The following SRCAP variants were observed in gnomAD, a reference collection of about 807,000 sequenced individuals.
SRCAP encodes chromatin remodeling protein SRCAP.
SRCAP carries 46 observed loss-of-function variants against 263.1 expected under a neutral mutation model. That is an observed-to-expected ratio of 0.17 (90% confidence interval 0.14 to 0.22). SRCAP has a LOEUF of 0.22. SRCAP is among the 10% of genes least tolerant of loss of function. The probability of loss-of-function intolerance (pLI) is 1.00; values close to 1 mark genes in which losing one functional copy is unlikely to be tolerated. For synonymous variants in SRCAP, 1,813 were observed against 1,662.1 expected (o/e 1.09, Z -2.21); for missense variants, 3,695 against 4,181.9 (o/e 0.88, Z 3.21).
At chr16:30,729,988 G>A (rs867959575) in intron 27 of SRCAP, among the ~76,000 whole-genome samples, 3 of 152,078 alleles carry the variant, frequency 2.0e-5, no homozygotes, top group Non-Finnish European at 2.9e-5. Flanking sequence ...GGTTGGTCTC[G>A]AACTACTGAC....
At chr16:30,703,930 TTG>T in intron 3 of SRCAP, 132 bp from the exon 4 acceptor site, 1 of 1,091,430 alleles carries the variant, frequency 9.2e-7, no homozygotes, top group Non-Finnish European at 1.3e-6. Flanking sequence ...TCCCGAACGT[TTG>T]TGTTTATGAA....
intron 10 of SRCAP, 28 bp from the exon 11 acceptor site, chr16:30,711,543 A>G (rs1411140882): frequency 1.3e-6 from 2 of 1,557,408 alleles, no homozygotes; most frequent in Non-Finnish European, 1.7e-6. Context: ...CCCTCAGAGC[A>G]ACCAAAAGCT....
intron 6 of SRCAP, 99 bp downstream of exon 6, chr16:30,707,811 A>C: frequency 6.9e-7 from 1 of 1,441,728 alleles, no homozygotes; most frequent in Non-Finnish European, 9.5e-7. Context: ...AGTAAATATA[A>C]TTTCAGGCAA....
In SRCAP at chr16:30,700,853, C is replaced by T. The variant is rs957505452; in HGVS notation, c.29C>T (p.Pro10Leu). 2.5e-6 allele frequency: 4 copies of T among 1,614,078 alleles called. No homozygotes were observed. Among genetic ancestry groups the T allele is most frequent in the Non-Finnish European group, 1.7e-6 (2 of 1,180,022 alleles). The change falls in exon 3 of 34, where the codon CCT (proline) becomes CTT (leucine). Residue 10 changes from proline (P) to leucine (L), a missense_variant. Pro to Leu is a moderately conservative substitution (Grantham distance 98). Transcript: ENST00000262518. Reference sequence around the variant, plus strand: ...CAGAGCAGCCCCTCCCCTGCTCACCCTCAGCTCCCAGTCCTACAGACACAG... The same window carrying T: ...CAGAGCAGCCCCTCCCCTGCTCACCTTCAGCTCCCAGTCCTACAGACACAG... MQSSPSPAH[P>L]QLPVLQTQMV...
intron 33 of SRCAP, 70 bp from the exon 34 acceptor site, chr16:30,736,979 G>C: frequency 6.7e-7 from 1 of 1,494,212 alleles, no homozygotes; most frequent in Non-Finnish European, 9.0e-7. Context: ...TGACCTGGAA[G>C]CTGCTAATTT....
rs375428172 is a variant in SRCAP at position 30,741,212 on chromosome 16, C to G, written c.*1479C>G. 1 of 152,264 alleles carries G rather than the reference C, an allele frequency of 6.6e-6. No homozygotes were observed. The highest frequency in any genetic ancestry group is 1.9e-4 in the East Asian group (1 of 5,186). 9.4% of individuals were successfully genotyped at this position (152,264 alleles called of 1,614,324 possible). A position where few individuals can be genotyped will look rare whatever the true frequency, so the allele number is the denominator to read the frequency against. ...GTTTGGTTTTAGTGGTAATAAAGGG[C>G]TTACTTGGGTACATTTTCCTTACCT... On this transcript the variant is annotated 3_prime_UTR_variant, in exon 34 of 34. Coordinates refer to ENST00000262518, the MANE Select transcript of SRCAP (RefSeq NM_006662.3).
At position 30,718,176 on chromosome 16, in the gene SRCAP, AT is replaced by A. The variant is rs1239745568; in HGVS notation, c.2817+1706del. On this transcript the variant is annotated intron_variant, in intron 18 of 33. Coordinates refer to ENST00000262518, the MANE Select transcript of SRCAP (RefSeq NM_006662.3). Reference sequence around the variant, plus strand: ...GCGTGAGCTACCACACCTAGTTTTAATTTTTTTTTGGGTGGGGGGGGCAGAG... The same window carrying A: ...GCGTGAGCTACCACACCTAGTTTTAATTTTTTTTGGGTGGGGGGGGCAGAG... Among the ~76,000 whole-genome samples the A allele has an allele frequency of 2.0e-4, 30 of 148,244 alleles. 1 individual carries two copies. Among genetic ancestry groups the A allele is most frequent in the Non-Finnish European group, 3.6e-4 (24 of 66,732 alleles).
In SRCAP at chr16:30,739,655, G is replaced by A; in HGVS notation, c.9615G>A (p.Gln3205=). 1 of 1,584,494 alleles carries A rather than the reference G, an allele frequency of 6.3e-7. No individual in the cohort carries two copies. The highest frequency in any genetic ancestry group is 1.8e-5 in the Admixed American group (1 of 55,394). ...TTGGGACCACCAACCAAGGGGACCA[G>A]CGCATCCTGCGCAGCAGCGCCCCTC... The part of the protein sequence containing the change: ...RLVGTTNQGD[Q]RILRSSAPPS... The change falls in exon 34 of 34, where the codon CAG becomes CAA. Residue 3205 remains glutamine (Q), a synonymous_variant. Transcript: ENST00000262518.
intron 3 of SRCAP, among the ~76,000 whole-genome samples, chr16:30,702,225 A>T (rs953849856): frequency 6.7e-5 from 10 of 150,248 alleles, no homozygotes; most frequent in African/African-American, 2.2e-4. Flanking sequence ...AAGTGCTGGA[A>T]TGACAGGTGT....
At chr16:30,727,474 C>T (rs2053074657) in intron 25 of SRCAP, among the ~76,000 whole-genome samples, 1 of 152,108 alleles carries the variant, frequency 6.6e-6, no homozygotes, top group Non-Finnish European at 1.5e-5. Flanking sequence ...CTCATTGCAG[C>T]CTCCTGGGCT....
chr16:30,710,088 C>T lies in SRCAP; in HGVS notation c.1094C>T (p.Pro365Leu), dbSNP rs1407239007. 6.2e-7 allele frequency: 1 copy of T among 1,614,080 alleles called. No individual in the cohort carries two copies. The highest frequency in any genetic ancestry group is 2.2e-5 in the East Asian group (1 of 44,884). The part of the protein sequence containing the change: ...SSHDSDTRDG[P>L]EEGAEEEPPQ... ...CATGATAGTGACACCCGAGATGGGC[C>T]TGAAGAAGGTGCTGAAGAAGAGCCC... The change falls in exon 8 of 34, where the codon CCT becomes CTT. Residue 365 changes from proline (P) to leucine (L), a missense_variant. By Grantham distance (98) the Pro-to-Leu change is moderately conservative. Coordinates refer to ENST00000262518, the MANE Select transcript of SRCAP (RefSeq NM_006662.3).
chr16:30,715,714 T>C (rs1051063349), intron 16 of SRCAP, among the ~76,000 whole-genome samples: 1 of 152,368 alleles, frequency 6.6e-6, no homozygotes, highest in Middle Eastern at 3.4e-3. Context: ...ATTTGCCTTT[T>C]GTTTTATCTC....
In SRCAP at chr16:30,725,079, T is replaced by A; in HGVS notation, c.5655T>A (p.Tyr1885Ter). The A allele has an allele frequency of 6.2e-7, 1 of 1,606,752 alleles. No individual in the cohort carries two copies. The stretch of plus-strand genomic sequence containing the variant: ...CCCCACCACCTCGTTCCCCTTTTTA[T>A]CTGGTAAGTTTTACTTCCTCAAGAG... ...QPPPPPRSPF[Y>*]LDSLEEKRKR... The change falls in exon 25 of 34, where the codon TAT (tyrosine) becomes TAA (stop). Residue 1885 changes from tyrosine (Y) to a stop codon, truncating the protein, a stop_gained. Transcript: ENST00000262518. LOFTEE classifies it high-confidence loss of function.
In SRCAP at chr16:30,724,948, C is replaced by T. The variant is rs1303175930; in HGVS notation, c.5524C>T (p.Pro1842Ser). 6.2e-7 allele frequency: 1 copy of T among 1,614,198 alleles called. No individual in the cohort carries two copies. ...PLPVTMVSRL[P>S]VSKDEPDTLT... is the part of the protein sequence containing the mutation. Reference sequence around the variant, plus strand: ...GCCTGTCACCATGGTATCCCGGCTGCCTGTTTCCAAGGATGAGCCTGACAC... The same window carrying T: ...GCCTGTCACCATGGTATCCCGGCTGTCTGTTTCCAAGGATGAGCCTGACAC... The change falls in exon 25 of 34, where the codon CCT (proline) becomes TCT (serine). Residue 1842 changes from proline (P) to serine (S), a missense_variant. Physicochemically the swap from Pro to Ser is moderately conservative, Grantham distance 74 (BLOSUM62 -1). This residue lies in a region of SRCAP where 1,347 missense variants were observed against 1,304.4 expected (regional missense o/e 1.03). Coordinates refer to ENST00000262518, the MANE Select transcript of SRCAP (RefSeq NM_006662.3).
chr16:30,710,560 C>T (rs946131941), intron 8 of SRCAP, 194 bp from the exon 9 acceptor site: 4 of 779,366 alleles, frequency 5.1e-6, no homozygotes, highest in East Asian at 2.4e-5. Flanking sequence ...AGTTCCTTCC[C>T]CAGGCAGTGG....
Position 30,712,359 on chromosome 16 carries a change from A to G in SRCAP, c.1913A>G (p.Asn638Ser), listed in dbSNP as rs766829283. Residue 638 changes from asparagine to serine, a missense_variant, in exon 13 of 34, where the codon AAT becomes AGT. By Grantham distance (46) the Asn-to-Ser change is conservative (BLOSUM62 1). This residue lies in a region of SRCAP where 121 missense variants were observed against 330.7 expected (regional missense o/e 0.37). Transcript: ENST00000262518. ...WLVTMYEKKL[N>S]GILADEMGLG... ...GTTACCATGTATGAGAAGAAGCTTA[A>G]TGGCATTCTTGCTGATGAGATGGGG... The G allele has an allele frequency of 3.1e-6, 5 of 1,613,460 alleles. No homozygotes were observed. Among genetic ancestry groups the G allele is most frequent in the Admixed American group, 1.7e-5 (1 of 59,856 alleles).
rs756197613 is a variant in SRCAP at position 30,723,994 on chromosome 16, C to A, written c.4570C>A (p.Pro1524Thr). The A allele has an allele frequency of 3.7e-6, 6 of 1,613,960 alleles. No individual in the cohort carries two copies. The highest frequency in any genetic ancestry group is 1.3e-5 in the African/African-American group (1 of 74,880). ...SLSSSQTPGH[P>T]LLLAPTSSHV... ...GTCTTCATCTCAGACACCTGGTCAC[C>A]CTCTGTTGTTGGCTCCCACCTCTTC... Residue 1524 changes from proline (P) to threonine (T), a missense_variant, in exon 25 of 34, where the codon CCT (proline) becomes ACT (threonine). Transcript: ENST00000262518.
At chr16:30,706,108 T>A (rs1208502702) in intron 4 of SRCAP, among the ~76,000 whole-genome samples, 1 of 152,160 alleles carries the variant, frequency 6.6e-6, no homozygotes, top group African/African-American at 2.4e-5. Context: ...TTTAGTCCTG[T>A]CTGGTCTCTG....
intron 8 of SRCAP, chr16:30,710,416 C>G: frequency 3.1e-6 from 2 of 654,934 alleles, no homozygotes; most frequent in Admixed American, 2.3e-5. Context: ...CTTCTCTGAA[C>G]ATGCCCTAAT....
Sources: gnomAD v4.1 joint callset for allele counts (sites outside exome capture counted in the v4.1 genomes callset) on GRCh38, gnomAD v4.1.1 for gene constraint, gnomAD v4.1.1 regional missense constraint, MANE v1.5 for transcripts, NCBI Gene and HGNC (gene_info 2026-07-23, HGNC 2026-07-21) for gene names.